Variants in ROBO1 observed in about 807,000 individuals in gnomAD.
ROBO1 encodes roundabout homolog 1.
In ROBO1, 149 loss-of-function variants were observed where a neutral mutation model predicts 195.9. That is an observed-to-expected ratio of 0.76 (90% CI 0.67 to 0.87). The LOEUF is 0.87. Among genes scored for constraint, ROBO1 ranks in the 40% least tolerant of loss-of-function variants. ROBO1 has a pLI of 0.00. For missense variants in ROBO1, 1,933 were observed against 2,068.3 expected, an observed-to-expected ratio of 0.93 and a Z score of 1.27; for synonymous variants, 816 against 733.2, an observed-to-expected ratio of 1.11 and a Z score of -1.82.
intron 2 of ROBO1, among the ~76,000 whole-genome samples, chr3:79,287,913 A>T (rs2031991234): frequency 6.6e-6 from 1 of 151,980 alleles, no homozygotes; most frequent in African/African-American, 2.4e-5. Context: ...TTTACATATT[A>T]TTGATGTAAA....
chr3:79,698,082 T>C (rs1485735144), intron 1 of ROBO1, among the ~76,000 whole-genome samples: 3 of 151,660 alleles, frequency 2.0e-5, no homozygotes, highest in South Asian at 2.1e-4. Flanking sequence ...TGAATTTCCA[T>C]ACATTAGGAG....
At chr3:79,512,351 C>T (rs766008415) in intron 2 of ROBO1, among the ~76,000 whole-genome samples, 23 of 152,028 alleles carry the variant, frequency 1.5e-4, no homozygotes, top group Admixed American at 6.6e-4. Context: ...ATTGAATTCA[C>T]CATTTTTTTG....
At chr3:78,764,052 C>G (rs2083170125) in intron 4 of ROBO1, among the ~76,000 whole-genome samples, 2 of 152,156 alleles carry the variant, frequency 1.3e-5, no homozygotes, top group Admixed American at 6.6e-5. Context: ...GTAGATAACT[C>G]TGCTTTATCT....
intron 2 of ROBO1, among the ~76,000 whole-genome samples, chr3:79,291,832 T>A (rs2032271333): frequency 6.6e-6 from 1 of 152,166 alleles, no homozygotes; most frequent in Non-Finnish European, 1.5e-5. Context: ...GGCCCCAAGT[T>A]TTTTGAAATA....
chr3:78,639,867 C>T lies in ROBO1; in HGVS notation c.2914G>A (p.Ala972Thr), dbSNP rs371174175. 78 of 1,606,686 alleles carry T rather than the reference C, an allele frequency of 4.9e-5. No individual in the cohort carries two copies. The highest frequency in any genetic ancestry group is 3.3e-4 in the Middle Eastern group (2 of 5,986). ...CACGTGTCTGCCAGCCATGGCTGCGCGGCAGGTTCACTGATGTTGAGAAGT... is the reference window on the plus strand; with the variant it reads ...CACGTGTCTGCCAGCCATGGCTGCGTGGCAGGTTCACTGATGTTGAGAAGT... ...PGLLNISEPA[A>T]QPWLADTWPN... is the part of the protein sequence containing the mutation. Residue 972 changes from alanine to threonine, a missense_variant, in exon 22 of 31, where the codon GCG (alanine) becomes ACG (threonine). Around this residue, in one of 3 missense-constraint regions of ROBO1, gnomAD observed 1,737 missense variants for 1,882.5 expected, o/e 0.92. Transcript: ENST00000464233.
chr3:78,910,824 A>G (rs2038199403), intron 4 of ROBO1, among the ~76,000 whole-genome samples: 1 of 151,984 alleles, frequency 6.6e-6, no homozygotes, highest in Non-Finnish European at 1.5e-5. Context: ...ATGTTAAAGT[A>G]TATTTTCTAG....
intron 2 of ROBO1, among the ~76,000 whole-genome samples, chr3:79,185,822 A>G (rs2081428322): frequency 6.6e-6 from 1 of 152,134 alleles, no homozygotes; most frequent in African/African-American, 2.4e-5. Context: ...CTTTTCTCAT[A>G]TAGGACTTAT....
intron 26 of ROBO1, among the ~76,000 whole-genome samples, chr3:78,620,908 T>C (rs1704418037): frequency 6.6e-6 from 1 of 151,686 alleles, no homozygotes; most frequent in South Asian, 2.1e-4. Flanking sequence ...TGTGTGTGTA[T>C]ACATATAAGC....
intron 3 of ROBO1, among the ~76,000 whole-genome samples, chr3:78,965,965 C>T (rs1458902215): frequency 1.3e-5 from 2 of 152,184 alleles, no homozygotes; most frequent in Non-Finnish European, 2.9e-5. Context: ...TTAAATGCAA[C>T]AAGCAACTAG....
In ROBO1 at chr3:78,884,643, GAA is replaced by G. The variant is rs764062849; in HGVS notation, c.499+53956_499+53957del. Among the ~76,000 whole-genome samples, 74 of 81,176 alleles carry G rather than the reference GAA, an allele frequency of 9.1e-4. 1 individual carries two copies. Among genetic ancestry groups the G allele is most frequent in the African/African-American group, 3.8e-3 (65 of 17,128 alleles). 53.3% of individuals were successfully genotyped at this position (81,176 alleles called of 152,430 possible). On this transcript the variant is annotated intron_variant, in intron 4 of 30. Coordinates refer to ENST00000464233, the MANE Select transcript of ROBO1 (RefSeq NM_002941.4). ...AAAGAGAGAAAGAAAGAGAAAGAAA[GAA>G]AGAAAGGAAGGAAGGAAGGAAGGAA...
chr3:79,696,457 AAT>A (rs61596243), intron 1 of ROBO1, among the ~76,000 whole-genome samples: 13 of 147,120 alleles, frequency 8.8e-5, no homozygotes, highest in Non-Finnish European at 9.1e-5. Context: ...ATATCTAAAT[AAT>A]ATATATATAT....
intron 2 of ROBO1, among the ~76,000 whole-genome samples, chr3:79,401,002 T>A (rs1391895992): frequency 6.6e-6 from 1 of 151,828 alleles, no homozygotes; most frequent in Admixed American, 6.6e-5. Context: ...AAAGCATATA[T>A]AAAAGTCAAG....
At chr3:79,366,654 A>G (rs2035988959) in intron 2 of ROBO1, among the ~76,000 whole-genome samples, 1 of 152,200 alleles carries the variant, frequency 6.6e-6, no homozygotes, top group African/African-American at 2.4e-5. Context: ...CACAGGGCAC[A>G]TAACGGCCAC....
intron 3 of ROBO1, among the ~76,000 whole-genome samples, chr3:79,035,704 C>T (rs1265897494): frequency 6.6e-6 from 1 of 150,794 alleles, no homozygotes; most frequent in African/African-American, 2.4e-5. Flanking sequence ...GCATTCCAAA[C>T]TGGGCAACAG....
At chr3:79,388,209 T>C (rs1369912940) in intron 2 of ROBO1, among the ~76,000 whole-genome samples, 1 of 152,156 alleles carries the variant, frequency 6.6e-6, no homozygotes, top group Non-Finnish European at 1.5e-5. Context: ...ATGTAACACA[T>C]GACATATACT....
intron 4 of ROBO1, among the ~76,000 whole-genome samples, chr3:78,871,948 A>C (rs777415656): frequency 2.2e-4 from 33 of 152,136 alleles, no homozygotes; most frequent in Non-Finnish European, 4.0e-4. Context: ...AATGAAAGAA[A>C]ACCATCTGTC....
chr3:79,231,072 G>T (rs909937438), intron 2 of ROBO1, among the ~76,000 whole-genome samples: 2 of 151,944 alleles, frequency 1.3e-5, no homozygotes, highest in African/African-American at 2.4e-5. Context: ...AATCAACTCA[G>T]GATGCATTAA....
rs1344285694 is a variant in ROBO1, at chr3:79,083,542, A to G, written c.172+41914T>C. ...TTGAAATAATAACAAACCAGGGCCA[A>G]ACAGAAATAAACATTCAACCACAAT... On this transcript the variant is annotated intron_variant, in intron 3 of 30. Transcript: ENST00000464233. Among the ~76,000 whole-genome samples the G allele has an allele frequency of 2.6e-5, 4 of 152,204 alleles. No homozygotes were observed. In the East Asian group the frequency reaches 7.7e-4, roughly 29 times the overall value.
At chr3:79,600,185 G>T (rs1944299101) in intron 1 of ROBO1, among the ~76,000 whole-genome samples, 1 of 151,960 alleles carries the variant, frequency 6.6e-6, no homozygotes, top group Non-Finnish European at 1.5e-5. Context: ...TAGCTAAAGT[G>T]AATTCAGTTG....
Sources: allele counts gnomAD v4.1 joint callset (sites outside exome capture counted in the v4.1 genomes callset), GRCh38; gene constraint gnomAD v4.1.1; regional missense constraint gnomAD v4.1.1; transcripts MANE v1.5; gene names NCBI Gene and HGNC (gene_info 2026-07-23, HGNC 2026-07-21).